Variants in SLC25A44 observed in about 807,000 individuals in gnomAD.
The protein encoded by SLC25A44 is solute carrier family 25 member 44.
Under a neutral mutation model 29.9 loss-of-function variants are expected in SLC25A44, and 17 were observed. The observed-to-expected ratio is 0.57, with a 90% CI of 0.39 to 0.85. The LOEUF is 0.85. SLC25A44 is among the 40% of genes least tolerant of loss of function. SLC25A44 has a pLI of 0.00. For synonymous variants in SLC25A44, 140 were observed against 151.8 expected, an observed-to-expected ratio of 0.92 and a Z score of 0.57; for missense variants, 302 against 398.4, an observed-to-expected ratio of 0.76 and a Z score of 2.06.
chr1:156,199,799 C>T lies in SLC25A44; in HGVS notation c.-13-36C>T, dbSNP rs763860261. 4 of 1,563,652 alleles carry T rather than the reference C, an allele frequency of 2.6e-6. No homozygotes were observed. The Admixed American group carries it at 5.3e-5, about 21-fold the overall frequency. ...AGGGGAAAGCACAAAGCTCCACCCT[C>T]CTTCTTCACATCCCTCCATACTGCT... is the stretch of plus-strand genomic sequence containing the variant. On this transcript the variant is annotated intron_variant, in intron 1 of 3. Coordinates refer to ENST00000359511, the MANE Select transcript of SLC25A44 (RefSeq NM_014655.4).
chr1:156,196,582 G>A (rs1214019423), intron 1 of SLC25A44: 1 of 152,206 alleles, frequency 6.6e-6, no homozygotes, highest in East Asian at 1.9e-4. Context: ...TGGTTGCTCT[G>A]TCTTTTAGCT....
rs773138107 is a variant in SLC25A44, at chr1:156,199,990, A to G, written c.143A>G (p.Gln48Arg). The change falls in exon 2 of 4, where the codon CAG (glutamine) becomes CGG (arginine). Residue 48 changes from glutamine to arginine, a missense_variant. Physicochemically the swap from Gln to Arg is conservative, Grantham distance 43. Transcript: ENST00000359511. The stretch of plus-strand genomic sequence containing the variant: ...CTCATCCGCACCCGGTTGCAAGTTC[A>G]GAAGGGGAAGAGCCTCTACCATGGG... ...FTLIRTRLQVQKGKSLYHGTF... is the reference protein window; with the variant it reads ...FTLIRTRLQVRKGKSLYHGTF... 65 of 1,614,088 alleles carry G rather than the reference A, an allele frequency of 4.0e-5. No homozygotes were observed. The highest frequency in any genetic ancestry group is 5.4e-5 in the Non-Finnish European group (64 of 1,180,038).
intron 3 of SLC25A44, 75 bp downstream of exon 3, chr1:156,208,088 G>A: frequency 7.5e-7 from 1 of 1,341,034 alleles, no homozygotes; most frequent in Non-Finnish European, 1.1e-6. Context: ...CTCCAGTGTT[G>A]CCCTGACCTC....
At chr1:156,194,717 T>C (rs1374139597) in intron 1 of SLC25A44, among the ~76,000 whole-genome samples, 1 of 152,152 alleles carries the variant, frequency 6.6e-6, no homozygotes, top group Non-Finnish European at 1.5e-5. Flanking sequence ...TGTACATATA[T>C]TCACGTTCAT....
In SLC25A44 at chr1:156,194,147, A is replaced by C. The variant is rs541912734; in HGVS notation, c.-114A>C. The C allele has an allele frequency of 6.5e-6, 1 of 152,800 alleles. No individual in the cohort carries two copies. The highest frequency in any genetic ancestry group is 1.5e-5 in the Non-Finnish European group (1 of 68,076). 9.5% of individuals were successfully genotyped at this position (152,800 alleles called of 1,614,324 possible). On this transcript the variant is annotated 5_prime_UTR_variant, in exon 1 of 4. Transcript: ENST00000359511. ...AGATGGAGGAAGATGCGACCGGCAG[A>C]CGGCATTCGCTGGGAACGACGGATA...
intron 2 of SLC25A44, among the ~76,000 whole-genome samples, chr1:156,205,726 A>T (rs1656890535): frequency 6.6e-6 from 1 of 152,178 alleles, no homozygotes; most frequent in Non-Finnish European, 1.5e-5. Flanking sequence ...TATCTATAGC[A>T]CATACCTGCT....
intron 2 of SLC25A44, among the ~76,000 whole-genome samples, chr1:156,201,488 C>T (rs947069640): frequency 1.3e-5 from 2 of 152,200 alleles, no homozygotes; most frequent in Admixed American, 1.3e-4. Flanking sequence ...CCATTGGAAA[C>T]TTCTGACCAA....
At chr1:156,195,641 A>T (rs910646473) in intron 1 of SLC25A44, among the ~76,000 whole-genome samples, 2 of 152,202 alleles carry the variant, frequency 1.3e-5, no homozygotes, top group Non-Finnish European at 2.9e-5. Context: ...GATAGGCTTT[A>T]TTAGCCCGAT....
At chr1:156,197,755 T>TG (rs1475980072) in intron 1 of SLC25A44, 1 of 151,712 alleles carries the variant, frequency 6.6e-6, no homozygotes, top group Non-Finnish European at 1.5e-5. Flanking sequence ...AGACTCCGTC[T>TG]GAAAAAAAAA....
chr1:156,203,699 C>CTTTTTTTTTTTTTTTTT (rs56890643), intron 2 of SLC25A44, among the ~76,000 whole-genome samples: 1 of 106,782 alleles, frequency 9.4e-6, no homozygotes, highest in Non-Finnish European at 1.8e-5. Context: ...ATTCTCTTTC[C>CTTTTTTTTTTTTTTTTT]TTTTTTTTTT....
At chr1:156,207,560 G>T (rs1048818672) in intron 2 of SLC25A44, among the ~76,000 whole-genome samples, 1 of 152,104 alleles carries the variant, frequency 6.6e-6, no homozygotes, top group African/African-American at 2.4e-5. Flanking sequence ...TGAGATGGGA[G>T]GATTGCTTGA....
chr1:156,205,469 G>C (rs1656880718), intron 2 of SLC25A44, among the ~76,000 whole-genome samples: 1 of 152,144 alleles, frequency 6.6e-6, no homozygotes, highest in South Asian at 2.1e-4. Context: ...GGGCTTGGCT[G>C]CCCCTCGAAC....
At chr1:156,203,722 G>GA (rs1179711636) in intron 2 of SLC25A44, among the ~76,000 whole-genome samples, 1 of 8,446 alleles carries the variant, frequency 1.2e-4, no homozygotes, top group African/African-American at 6.8e-4. Flanking sequence ...TTTTTTTTTT[G>GA]AGACAGAGTC....
chr1:156,209,935 C>G (rs1191754263), intron 3 of SLC25A44, among the ~76,000 whole-genome samples: 2 of 151,742 alleles, frequency 1.3e-5, no homozygotes, highest in African/African-American at 4.8e-5. Flanking sequence ...TTTTTTCTTG[C>G]TCATAACAAC....
chr1:156,207,230 T>G (rs983420366), intron 2 of SLC25A44, among the ~76,000 whole-genome samples: 1 of 149,714 alleles, frequency 6.7e-6, no homozygotes, highest in South Asian at 2.1e-4. Context: ...CAGGCTGGAG[T>G]GCAGTGGCGC....
chr1:156,196,338 T>G (rs1215875546), intron 1 of SLC25A44: 1 of 152,182 alleles, frequency 6.6e-6, no homozygotes, highest in Non-Finnish European at 1.5e-5. Flanking sequence ...TGCCCTCTCT[T>G]CTGTTGTAGT....
chr1:156,203,637 A>AGAAAAAT (rs1656722250), intron 2 of SLC25A44, among the ~76,000 whole-genome samples: 1 of 151,600 alleles, frequency 6.6e-6, no homozygotes, highest in African/African-American at 2.4e-5. Flanking sequence ...TGACTAATGG[A>AGAAAAAT]GAAAAATGAA....
intron 1 of SLC25A44, among the ~76,000 whole-genome samples, chr1:156,195,164 C>T (rs909657297): frequency 5.4e-5 from 8 of 149,388 alleles, no homozygotes; most frequent in African/African-American, 1.2e-4. Context: ...AGGGCAGTGG[C>T]GCAATCTCGG....
At chr1:156,207,356 T>A (rs2540182) in intron 2 of SLC25A44, among the ~76,000 whole-genome samples, 29,585 of 152,014 alleles carry the variant, frequency 0.19, 5,421 homozygotes, top group African/African-American at 0.49. Flanking sequence ...TTTCTTTGTA[T>A]TTTTAGTAGA....
Sources: gnomAD v4.1 joint callset for allele counts (sites outside exome capture counted in the v4.1 genomes callset) on GRCh38, gnomAD v4.1.1 for gene constraint, MANE v1.5 for transcripts, NCBI Gene and HGNC (gene_info 2026-07-23, HGNC 2026-07-21) for gene names.